Variants in PPFIA2 observed in about 807,000 individuals in gnomAD.
PPFIA2 encodes liprin-alpha-2.
PPFIA2 carries 46 observed loss-of-function variants against 175.5 expected under a neutral mutation model. That is an observed-to-expected ratio of 0.26 (90% CI 0.21 to 0.34). The LOEUF is 0.34. Ranked by LOEUF, PPFIA2 falls within the 10% of genes least tolerant of loss-of-function variation. The probability of loss-of-function intolerance (pLI) is 1.00; values close to 1 mark genes in which losing one functional copy is unlikely to be tolerated. For synonymous variants in PPFIA2, 568 were observed against 511.4 expected, an observed-to-expected ratio of 1.11 and a Z score of -1.49; for missense variants, 1,179 against 1,506.1, an observed-to-expected ratio of 0.78 and a Z score of 3.60.
At chr12:81,299,260 G>A in intron 23 of PPFIA2, 41 bp downstream of exon 23, 1 of 1,554,432 alleles carries the variant, frequency 6.4e-7, no homozygotes, top group Admixed American at 1.9e-5. Context: ...TATCAACTTA[G>A]TAGTGATTGA....
At chr12:81,546,465 A>C (rs186082911) in intron 4 of PPFIA2, 1 of 152,214 alleles carries the variant, frequency 6.6e-6, no homozygotes, top group East Asian at 1.9e-4. Context: ...AAGGAAAGTC[A>C]CTTCTACACT....
intron 4 of PPFIA2, among the ~76,000 whole-genome samples, chr12:81,559,226 T>C (rs796280153): frequency 1.3e-5 from 2 of 152,302 alleles, no homozygotes; most frequent in Admixed American, 6.5e-5. Context: ...ATAAGAGGGT[T>C]AAAGGACCTT....
chr12:81,681,127 C>A (rs2073545130), intron 3 of PPFIA2, among the ~76,000 whole-genome samples: 6 of 151,948 alleles, frequency 3.9e-5, no homozygotes, highest in Admixed American at 3.9e-4. Context: ...AGCACCTACG[C>A]CATGTGGTTG....
intron 28 of PPFIA2, among the ~76,000 whole-genome samples, chr12:81,273,014 C>T (rs984455891): frequency 4.6e-5 from 7 of 151,888 alleles, no homozygotes; most frequent in Non-Finnish European, 7.4e-5. Context: ...TTAAGTTTAC[C>T]CTAGTCCTAC....
At chr12:81,501,038 C>T (rs1233741857) in intron 4 of PPFIA2, among the ~76,000 whole-genome samples, 2 of 152,180 alleles carry the variant, frequency 1.3e-5, no homozygotes, top group African/African-American at 4.8e-5. Context: ...GTCCAATCAG[C>T]CCTACTGTTA....
chr12:81,493,402 TGA>T (rs1260085772), intron 4 of PPFIA2, among the ~76,000 whole-genome samples: 5 of 151,884 alleles, frequency 3.3e-5, no homozygotes, highest in Admixed American at 3.3e-4. Flanking sequence ...TGAAAGATAC[TGA>T]GAGAGTGGCT....
chr12:81,408,160 C>T (rs1185504487), intron 7 of PPFIA2, among the ~76,000 whole-genome samples: 2 of 151,968 alleles, frequency 1.3e-5, no homozygotes. Context: ...CATTAGTCAA[C>T]ATGGAAATAG....
rs562928766 is a variant in PPFIA2, at chr12:81,466,498, A to T, written c.304-8632T>A. On this transcript the variant is annotated intron_variant, in intron 4 of 32. Transcript: ENST00000549396. The stretch of plus-strand genomic sequence containing the variant: ...TCAAGCAGTCTCAGGCTGTCTGTCC[A>T]TCAAGCCATGAATCATTCACTATGC... Among the ~76,000 whole-genome samples, 6 of 152,282 alleles carry T rather than the reference A, an allele frequency of 3.9e-5. No individual in the cohort carries two copies. In the East Asian group the frequency reaches 1.2e-3, roughly 29 times the overall value.
intron 18 of PPFIA2, among the ~76,000 whole-genome samples, chr12:81,346,591 C>T (rs1367311553): frequency 1.3e-5 from 2 of 150,550 alleles, no homozygotes; most frequent in Non-Finnish European, 3.0e-5. Flanking sequence ...AGGAGACTTC[C>T]TAATTTAGGC....
intron 4 of PPFIA2, among the ~76,000 whole-genome samples, chr12:81,530,069 T>C (rs1447141180): frequency 6.6e-6 from 1 of 151,906 alleles, no homozygotes; most frequent in African/African-American, 2.4e-5. Context: ...ACATGAAAAT[T>C]ATATCAAATT....
At chr12:81,336,615 C>T (rs2057176082) in intron 21 of PPFIA2, among the ~76,000 whole-genome samples, 3 of 152,168 alleles carry the variant, frequency 2.0e-5, no homozygotes, top group African/African-American at 7.2e-5. Context: ...ATACAGCTTT[C>T]CCTTTCCACA....
intron 4 of PPFIA2, among the ~76,000 whole-genome samples, chr12:81,625,856 ATATAG>A (rs1354360909): frequency 6.8e-6 from 1 of 147,898 alleles, no homozygotes; most frequent in Non-Finnish European, 1.5e-5. Flanking sequence ...TATATTATAA[ATATAG>A]TATATTATAG....
chr12:81,354,246 T>C (rs555888965), intron 16 of PPFIA2, among the ~76,000 whole-genome samples: 1 of 152,316 alleles, frequency 6.6e-6, no homozygotes, highest in East Asian at 1.9e-4. Context: ...CTCTGTAGCA[T>C]GGAATGCAGT....
At position 81,758,389 on chromosome 12, in the gene PPFIA2, A is replaced by G. The variant is rs1183561919; in HGVS notation, c.-3+11T>C. On this transcript the variant is annotated intron_variant, in intron 2 of 32. Coordinates refer to ENST00000549396, the MANE Select transcript of PPFIA2 (RefSeq NM_003625.5). ...AAAGGAGACAGTAAAACTCAAAGACAGCTTCTGTACCTAATGTCTGTGATT... is the reference window on the plus strand; with the variant it reads ...AAAGGAGACAGTAAAACTCAAAGACGGCTTCTGTACCTAATGTCTGTGATT... 2 of 456,462 alleles carry G rather than the reference A, an allele frequency of 4.4e-6. No individual in the cohort carries two copies. The highest frequency in any genetic ancestry group is 8.8e-6 in the Non-Finnish European group (2 of 226,750). The allele number at this position is 456,462 out of a possible 1,614,324, so 28.3% of individuals were successfully genotyped here.
At chr12:81,460,433 C>A (rs986464489) in intron 4 of PPFIA2, among the ~76,000 whole-genome samples, 1 of 152,018 alleles carries the variant, frequency 6.6e-6, no homozygotes, top group African/African-American at 2.4e-5. Flanking sequence ...ATGTCTTTAT[C>A]AGCAACGTGA....
chr12:81,360,079 G>T (rs2061397835), intron 15 of PPFIA2, among the ~76,000 whole-genome samples: 1 of 151,802 alleles, frequency 6.6e-6, no homozygotes, highest in Non-Finnish European at 1.5e-5. Context: ...CAGTTTTAAG[G>T]TCTCAGTTTA....
At chr12:81,638,682 C>CTTTTTTTTTTTTTTT (rs869311003) in intron 4 of PPFIA2, among the ~76,000 whole-genome samples, 1 of 72,684 alleles carries the variant, frequency 1.4e-5, no homozygotes, top group Non-Finnish European at 2.4e-5. Flanking sequence ...CATAAATTTT[C>CTTTTTTTTTTTTTTT]TTTTTTTTTT....
At chr12:81,744,670 C>T (rs565649575) in intron 3 of PPFIA2, among the ~76,000 whole-genome samples, 2 of 152,302 alleles carry the variant, frequency 1.3e-5, no homozygotes, top group South Asian at 4.1e-4. Context: ...AGGTGATCTA[C>T]CCACCTTGGC....
At chr12:81,540,066 G>A (rs950386610) in intron 4 of PPFIA2, among the ~76,000 whole-genome samples, 1 of 151,418 alleles carries the variant, frequency 6.6e-6, no homozygotes, top group African/African-American at 2.4e-5. Flanking sequence ...AGAGGAGACA[G>A]AGAGAGAGAG....
Sources: gnomAD v4.1 joint callset for allele counts (sites outside exome capture counted in the v4.1 genomes callset) on GRCh38, gnomAD v4.1.1 for gene constraint, MANE v1.5 for transcripts, NCBI Gene and HGNC (gene_info 2026-07-23, HGNC 2026-07-21) for gene names.